The following RAB7A variants were observed in gnomAD, a reference collection of about 807,000 sequenced individuals.
The protein encoded by RAB7A is ras-related protein Rab-7a.
Under a neutral mutation model 24.5 loss-of-function variants are expected in RAB7A, and 2 were observed. The observed-to-expected ratio is 0.08, with a 90% CI of 0.03 to 0.26. The LOEUF is 0.26. RAB7A is among the 10% of genes least tolerant of loss of function. RAB7A has a pLI of 1.00. For synonymous variants in RAB7A, 100 were observed against 95.9 expected, an observed-to-expected ratio of 1.04 and a Z score of -0.25; for missense variants, 118 against 255.7, an observed-to-expected ratio of 0.46 and a Z score of 3.67.
At chr3:128,749,467 G>A (rs1422748535) in intron 1 of RAB7A, 6 of 152,338 alleles carry the variant, frequency 3.9e-5, no homozygotes, top group Non-Finnish European at 8.8e-5. Flanking sequence ...CCCGGCCGAT[G>A]GTCTTGAGGA....
At position 128,785,746 on chromosome 3, in the gene RAB7A, C is replaced by CAA. The variant is rs35368201; in HGVS notation, c.-8-9595_-8-9594dup. On this transcript the variant is annotated intron_variant, in intron 1 of 5. Coordinates refer to ENST00000265062, the MANE Select transcript of RAB7A (RefSeq NM_004637.6). ...CCTGGGCGACAGAGCAAGACTGTCT[C>CAA]AAAAAAAAAAAAAAAAAAAATTCTT... Among the ~76,000 whole-genome samples the CAA allele has an allele frequency of 4.5e-3, 388 of 86,636 alleles. 2 individuals are homozygous for CAA. The highest frequency in any genetic ancestry group is 0.01 in the African/African-American group (237 of 23,548). 56.8% of individuals were successfully genotyped at this position (86,636 alleles called of 152,430 possible). A position where few individuals can be genotyped will look rare whatever the true frequency, so the allele number is the denominator to read the frequency against.
intron 1 of RAB7A, among the ~76,000 whole-genome samples, chr3:128,752,450 CAAAA>C (rs911782447): frequency 1.9e-4 from 29 of 151,038 alleles, no homozygotes; most frequent in African/African-American, 6.3e-4. Context: ...AAAAAAATGA[CAAAA>C]AGAAAAATGA....
chr3:128,806,404 G>A lies in RAB7A; in HGVS notation c.213G>A (p.Gln71=), dbSNP rs140299645. The stretch of plus-strand genomic sequence containing the variant: ...ACACAGCAGGACAGGAACGGTTCCA[G>A]TCTCTCGGTGTGGCCTTCTACAGAG... ...IWDTAGQERF[Q]SLGVAFYRGA... Residue 71 remains glutamine (Q), a synonymous_variant, in exon 4 of 6, where the codon CAG becomes CAA. Transcript: ENST00000265062. 187 of 1,614,032 alleles carry A rather than the reference G, an allele frequency of 1.2e-4. No individual in the cohort carries two copies. Among genetic ancestry groups the A allele is most frequent in the South Asian group, 1.0e-3 (91 of 91,076 alleles).
intron 1 of RAB7A, among the ~76,000 whole-genome samples, chr3:128,744,293 G>A (rs2070586189): frequency 6.6e-6 from 1 of 152,094 alleles, no homozygotes; most frequent in South Asian, 2.1e-4. Context: ...AGAAATTCTG[G>A]AGCATAAAAG....
At position 128,813,538 on chromosome 3, in the gene RAB7A, C is replaced by T; in HGVS notation, c.*116C>T. 1 of 995,058 alleles carries T rather than the reference C, an allele frequency of 1.0e-6. No individual in the cohort carries two copies. The highest frequency in any genetic ancestry group is 1.6e-6 in the Non-Finnish European group (1 of 638,738). The allele number at this position is 995,058 out of a possible 1,614,324, so 61.6% of individuals were successfully genotyped here. A position where few individuals can be genotyped will look rare whatever the true frequency, so the allele number is the denominator to read the frequency against. On this transcript the variant is annotated 3_prime_UTR_variant, in exon 6 of 6. Transcript: ENST00000265062. The stretch of plus-strand genomic sequence containing the variant: ...ACATACATTGATCTCTCACATCCAG[C>T]TGCCAAAAGAAAACCCCATCAAACA...
At chr3:128,793,760 T>C (rs1391735553) in intron 1 of RAB7A, among the ~76,000 whole-genome samples, 1 of 152,248 alleles carries the variant, frequency 6.6e-6, no homozygotes, top group African/African-American at 2.4e-5. Flanking sequence ...AGTCATCTTA[T>C]ACTGCCCCTA....
At chr3:128,744,271 A>G (rs1005650450) in intron 1 of RAB7A, among the ~76,000 whole-genome samples, 2 of 152,116 alleles carry the variant, frequency 1.3e-5, no homozygotes, top group Non-Finnish European at 2.9e-5. Context: ...AAACTATAAA[A>G]AGGAACTATA....
intron 1 of RAB7A, among the ~76,000 whole-genome samples, chr3:128,767,543 G>A (rs151010379): frequency 4.1e-3 from 630 of 152,338 alleles, no homozygotes; most frequent in Admixed American, 9.3e-3. Context: ...GTTAGGGAAA[G>A]ATTTGTATGG....
intron 3 of RAB7A, 145 bp downstream of exon 3, chr3:128,798,214 G>C: frequency 1.9e-6 from 2 of 1,060,586 alleles, no homozygotes; most frequent in Non-Finnish European, 1.4e-6. Flanking sequence ...AGTTAAATTT[G>C]AATTTCAGAT....
intron 1 of RAB7A, 137 bp from the exon 2 acceptor site, chr3:128,795,223 C>T (rs973138477): frequency 5.2e-6 from 4 of 766,924 alleles, no homozygotes; most frequent in Non-Finnish European, 9.4e-6. Flanking sequence ...ATCAGTGCCC[C>T]CTGGTGGAAG....
At chr3:128,744,877 T>C (rs1357495507) in intron 1 of RAB7A, among the ~76,000 whole-genome samples, 1 of 123,232 alleles carries the variant, frequency 8.1e-6, no homozygotes, top group Non-Finnish European at 1.6e-5. Context: ...TTTCTTTTTC[T>C]TTTTTTTTTT....
intron 2 of RAB7A, among the ~76,000 whole-genome samples, chr3:128,795,751 C>CTTGTTTTTTTTTTTTTTTTTTTTTT (rs1933555041): frequency 2.3e-5 from 1 of 43,032 alleles, no homozygotes; most frequent in Non-Finnish European, 4.7e-5. Flanking sequence ...AGCAGATGTG[C>CTTGTTTTTTTTTTTTTTTTTTTTTT]TTTTTTTTTT....
intron 1 of RAB7A, among the ~76,000 whole-genome samples, chr3:128,769,899 G>T (rs553562070): frequency 1.3e-5 from 2 of 152,066 alleles, no homozygotes; most frequent in African/African-American, 2.4e-5. Flanking sequence ...TAAAGCAGAG[G>T]GTAGTTCCTT....
chr3:128,794,958 A>G (rs1933534782), intron 1 of RAB7A, among the ~76,000 whole-genome samples: 1 of 152,018 alleles, frequency 6.6e-6, no homozygotes, highest in Admixed American at 6.6e-5. Context: ...TAGAGAGCAA[A>G]TGAGGGGTTA....
chr3:128,746,528 A>G (rs2070617464), intron 1 of RAB7A, among the ~76,000 whole-genome samples: 1 of 150,164 alleles, frequency 6.7e-6, no homozygotes, highest in Non-Finnish European at 1.5e-5. Flanking sequence ...TTTATTTTTT[A>G]TTTTTTATTT....
chr3:128,779,111 A>T (rs1483721286), intron 1 of RAB7A, among the ~76,000 whole-genome samples: 1 of 152,216 alleles, frequency 6.6e-6, no homozygotes, highest in East Asian at 1.9e-4. Flanking sequence ...AAATAAAATG[A>T]CTTTTAAGGA....
chr3:128,801,871 TA>T (rs563001251), intron 3 of RAB7A, among the ~76,000 whole-genome samples: 7 of 147,352 alleles, frequency 4.8e-5, no homozygotes, highest in Non-Finnish European at 7.5e-5. Flanking sequence ...ATAATGAAAT[TA>T]AAAAAAAAAG....
chr3:128,813,721 G>A lies in RAB7A; in HGVS notation c.*299G>A, dbSNP rs1283640683. The stretch of plus-strand genomic sequence containing the variant: ...GAGTATGGCAGCAGGACAAGCCAGC[G>A]GTGGAAGTCATTCTGATATGGAGTT... On this transcript the variant is annotated 3_prime_UTR_variant, in exon 6 of 6. Transcript: ENST00000265062. 9 of 452,672 alleles carry A rather than the reference G, an allele frequency of 2.0e-5. No individual in the cohort carries two copies. Among genetic ancestry groups the A allele is most frequent in the Non-Finnish European group, 3.3e-5 (8 of 241,822 alleles). 28.0% of individuals were successfully genotyped at this position (452,672 alleles called of 1,614,324 possible).
intron 1 of RAB7A, among the ~76,000 whole-genome samples, chr3:128,734,437 A>G (rs2107582747): frequency 6.8e-6 from 1 of 146,970 alleles, no homozygotes; most frequent in East Asian, 2.0e-4. Flanking sequence ...CCTGGGCGAC[A>G]GAATGAGACC....
Sources: allele counts gnomAD v4.1 joint callset (sites outside exome capture counted in the v4.1 genomes callset), GRCh38; gene constraint gnomAD v4.1.1; transcripts MANE v1.5; gene names NCBI Gene and HGNC (gene_info 2026-07-23, HGNC 2026-07-21).